RIMBP2: variants seen among roughly 807,000 people sequenced by gnomAD.
The protein encoded by RIMBP2 is RIMS binding protein 2, also known as RIMS-binding protein 2.
Under a neutral mutation model 118.6 loss-of-function variants are expected in RIMBP2, and 48 were observed. The observed-to-expected ratio is 0.40, with a 90% confidence interval of 0.32 to 0.51. The LOEUF (loss-of-function observed/expected upper bound fraction) is 0.51, where lower values mean the gene tolerates loss of function less well. RIMBP2 is among the 20% of genes least tolerant of loss of function. RIMBP2 has a pLI of 0.41. For synonymous variants in RIMBP2, 762 were observed against 742.9 expected (o/e 1.03, Z -0.42); for missense variants, 1,551 against 1,768.3 (o/e 0.88, Z 2.20).
intron 2 of RIMBP2, among the ~76,000 whole-genome samples, chr12:130,519,354 A>G (rs2051829365): frequency 1.3e-5 from 2 of 152,220 alleles, no homozygotes; most frequent in South Asian, 4.1e-4. Context: ...TGTGGTAGCT[A>G]CATTTTCACA....
intron 1 of RIMBP2, among the ~76,000 whole-genome samples, chr12:130,639,833 C>A (rs942245923): frequency 6.6e-6 from 1 of 152,060 alleles, no homozygotes; most frequent in African/African-American, 2.4e-5. Context: ...AATTGAAAGC[C>A]GAGATGAAAA....
rs1306194156 is a variant in RIMBP2, at chr12:130,581,174, A to G, written c.-217+47148T>C. On this transcript the variant is annotated intron_variant, in intron 2 of 22. Coordinates refer to ENST00000690449, the MANE Select transcript of RIMBP2 (RefSeq NM_001393629.1). The surrounding 1 kb of genome is among the most constrained non-coding windows in gnomAD (Gnocchi z 4.4). ...ACAGAGCAGTGTGTTTGTCACATAC[A>G]AAAGAGACTAGCTCAAGGGTGGCAG... Among the ~76,000 whole-genome samples the G allele has an allele frequency of 6.6e-6, 1 of 152,106 alleles. No homozygotes were observed. Among genetic ancestry groups the G allele is most frequent in the Non-Finnish European group, 1.5e-5 (1 of 68,022 alleles).
intron 6 of RIMBP2, among the ~76,000 whole-genome samples, chr12:130,459,595 G>A: frequency 6.6e-6 from 1 of 152,198 alleles, no homozygotes. Flanking sequence ...CATCAAGGGG[G>A]CTAAGGGCGG....
At chr12:130,582,039 C>T (rs11061008) in intron 2 of RIMBP2, among the ~76,000 whole-genome samples, 15,377 of 152,084 alleles carry the variant, frequency 0.1, 1,007 homozygotes, top group Non-Finnish European at 0.16. Context: ...TGAATACCCA[C>T]GTGGCTCACT....
chr12:130,650,958 TAAAAAAAAA>T (rs397700189), intron 1 of RIMBP2, among the ~76,000 whole-genome samples: 6 of 125,628 alleles, frequency 4.8e-5, no homozygotes, highest in African/African-American at 8.8e-5. Flanking sequence ...TTGTTTTTTT[TAAAAAAAAA>T]AAAAAAAAAG....
intron 2 of RIMBP2, among the ~76,000 whole-genome samples, chr12:130,582,421 G>A (rs1476829882): frequency 6.6e-6 from 1 of 152,220 alleles, no homozygotes; most frequent in Non-Finnish European, 1.5e-5. Context: ...AGGTGGCAGA[G>A]GCAGATAGTG....
At chr12:130,687,494 G>C (rs1437909165) in intron 1 of RIMBP2, among the ~76,000 whole-genome samples, 1 of 152,144 alleles carries the variant, frequency 6.6e-6, no homozygotes, top group Non-Finnish European at 1.5e-5. Flanking sequence ...ACTAAACAAA[G>C]AAGATGTGTG....
chr12:130,602,573 G>A (rs758225179), intron 2 of RIMBP2, among the ~76,000 whole-genome samples: 2 of 152,216 alleles, frequency 1.3e-5, no homozygotes, highest in Non-Finnish European at 2.9e-5. Context: ...GATGGCTCCC[G>A]CCTTGTGTGC....
chr12:130,547,579 T>C lies in RIMBP2; in HGVS notation c.-216-29662A>G, dbSNP rs77866065. Among the ~76,000 whole-genome samples, 969 of 152,338 alleles carry C rather than the reference T, an allele frequency of 6.4e-3. 5 individuals carry two copies. Among genetic ancestry groups the C allele is most frequent in the Middle Eastern group, 0.014 (4 of 294 alleles). ...TCATAAAACCCCAAAGCAGCAATGC[T>C]GGCCTGGCAACAGGGTACAGAGATT... On this transcript the variant is annotated intron_variant, in intron 2 of 22. Coordinates refer to ENST00000690449, the MANE Select transcript of RIMBP2 (RefSeq NM_001393629.1).
intron 4 of RIMBP2, among the ~76,000 whole-genome samples, chr12:130,496,414 G>A (rs1373386394): frequency 6.6e-6 from 1 of 152,168 alleles, no homozygotes; most frequent in Non-Finnish European, 1.5e-5. Flanking sequence ...ACCCAGTCTC[G>A]AGTATGTCTT....
At chr12:130,563,327 T>C (rs1175192659) in intron 2 of RIMBP2, among the ~76,000 whole-genome samples, 1 of 152,230 alleles carries the variant, frequency 6.6e-6, no homozygotes, top group Non-Finnish European at 1.5e-5. Context: ...CATCTCCAGC[T>C]GGAAGTCCAG....
intron 2 of RIMBP2, among the ~76,000 whole-genome samples, chr12:130,524,950 G>A (rs569611403): frequency 6.6e-6 from 1 of 152,324 alleles, no homozygotes; most frequent in East Asian, 1.9e-4. Context: ...GGGGCTTGGT[G>A]AGTGTGAGAC....
At chr12:130,455,425 C>A (rs2079348374) in intron 7 of RIMBP2, among the ~76,000 whole-genome samples, 1 of 152,236 alleles carries the variant, frequency 6.6e-6, no homozygotes, top group African/African-American at 2.4e-5. Context: ...GCGTTGCAAC[C>A]TAGGCAGGGC....
intron 1 of RIMBP2, among the ~76,000 whole-genome samples, chr12:130,655,422 A>T (rs2063383737): frequency 6.6e-6 from 1 of 152,114 alleles, no homozygotes; most frequent in Non-Finnish European, 1.5e-5. Context: ...ACAGGACCTG[A>T]GGAGGACACA....
intron 2 of RIMBP2, among the ~76,000 whole-genome samples, chr12:130,585,555 T>A (rs140368458): frequency 2.0e-3 from 302 of 148,946 alleles, no homozygotes; most frequent in African/African-American, 7.1e-3. Context: ...AGGTCCTGGC[T>A]GCAATGGGAC....
chr12:130,444,813 A>C (rs2078396466), intron 10 of RIMBP2, among the ~76,000 whole-genome samples: 1 of 152,210 alleles, frequency 6.6e-6, no homozygotes, highest in Non-Finnish European at 1.5e-5. Context: ...GGAGACCCTG[A>C]GGGTGCTGAA....
At chr12:130,702,063 C>A (rs11061096) in intron 1 of RIMBP2, among the ~76,000 whole-genome samples, 2,184 of 152,292 alleles carry the variant, frequency 0.014, 25 homozygotes, top group Non-Finnish European at 0.024. Context: ...CGAGGATGAG[C>A]CCAGCCCACA....
chr12:130,452,387 T>C (rs976207837), intron 7 of RIMBP2, among the ~76,000 whole-genome samples: 2 of 152,160 alleles, frequency 1.3e-5, no homozygotes, highest in African/African-American at 2.4e-5. Flanking sequence ...TGGCAGGGAA[T>C]TGGAGCTGGG....
intron 2 of RIMBP2, among the ~76,000 whole-genome samples, chr12:130,555,842 A>G (rs1214784845): frequency 6.6e-6 from 1 of 152,216 alleles, no homozygotes; most frequent in East Asian, 1.9e-4. Context: ...TGCCTGGCAA[A>G]AGTTAATCGT....
Sources: gnomAD v4.1 joint callset for allele counts (sites outside exome capture counted in the v4.1 genomes callset) on GRCh38, gnomAD v4.1.1 for gene constraint, Gnocchi (gnomAD v3.1) non-coding constraint, MANE v1.5 for transcripts, NCBI Gene and HGNC (gene_info 2026-07-23, HGNC 2026-07-21) for gene names.